The following LAMA2 variants were observed in gnomAD, a reference collection of about 807,000 sequenced individuals.
LAMA2 encodes laminin subunit alpha 2.
In LAMA2, 269 loss-of-function variants were observed where a neutral mutation model predicts 364.8. The observed-to-expected ratio is 0.74, with a 90% confidence interval of 0.67 to 0.82. The LOEUF is 0.82. Ranked by LOEUF, LAMA2 falls within the 40% of genes least tolerant of loss-of-function variation. The pLI is 0.00. For synonymous variants in LAMA2, 1,379 were observed against 1,370.6 expected, an observed-to-expected ratio of 1.01 and a Z score of -0.14; for missense variants, 3,807 against 3,873.2, an observed-to-expected ratio of 0.98 and a Z score of 0.45.
intron 28 of LAMA2, among the ~76,000 whole-genome samples, chr6:129,324,557 A>C (rs1465436043): frequency 6.6e-6 from 1 of 152,214 alleles, no homozygotes; most frequent in Non-Finnish European, 1.5e-5. Flanking sequence ...GTTCTGAGAA[A>C]TGTGTCGTTA....
chr6:129,010,328 A>T (rs1784689334), intron 1 of LAMA2, among the ~76,000 whole-genome samples: 1 of 152,216 alleles, frequency 6.6e-6, no homozygotes, highest in Admixed American at 6.5e-5. Context: ...GCATGAAAAG[A>T]TAGCAAAGGT....
At chr6:129,327,757 G>A (rs577655920) in intron 28 of LAMA2, among the ~76,000 whole-genome samples, 1 of 152,142 alleles carries the variant, frequency 6.6e-6, no homozygotes, top group African/African-American at 2.4e-5. Flanking sequence ...TTTATTGGTG[G>A]TCTAATAGTC....
intron 9 of LAMA2, among the ~76,000 whole-genome samples, chr6:129,172,991 T>G (rs1341408945): frequency 3.3e-5 from 5 of 152,260 alleles, no homozygotes; most frequent in Admixed American, 6.5e-5. Flanking sequence ...CCTGACCCCT[T>G]GCGCTTCCCA....
At chr6:129,228,901 A>T (rs1391872139) in intron 12 of LAMA2, among the ~76,000 whole-genome samples, 1 of 152,220 alleles carries the variant, frequency 6.6e-6, no homozygotes, top group African/African-American at 2.4e-5. Flanking sequence ...AACTATTACA[A>T]AAGTAATTTT....
intron 1 of LAMA2, among the ~76,000 whole-genome samples, chr6:129,017,334 C>T (rs147431685): frequency 6.6e-5 from 10 of 151,820 alleles, no homozygotes; most frequent in African/African-American, 1.2e-4. Context: ...CTGATATGGC[C>T]TCCTACTTAG....
intron 1 of LAMA2, among the ~76,000 whole-genome samples, chr6:129,006,426 G>A (rs1582858733): frequency 1.3e-5 from 2 of 151,936 alleles, no homozygotes; most frequent in East Asian, 3.9e-4. Context: ...CTTGATCTTA[G>A]AGGCTGGAGA....
intron 41 of LAMA2, among the ~76,000 whole-genome samples, chr6:129,432,526 T>C (rs1781647419): frequency 6.6e-6 from 1 of 152,196 alleles, no homozygotes; most frequent in Admixed American, 6.5e-5. Flanking sequence ...TTGTTGTGTG[T>C]TCAGAATCAG....
chr6:128,968,122 A>C (rs1277210636), intron 1 of LAMA2, among the ~76,000 whole-genome samples: 1 of 152,218 alleles, frequency 6.6e-6, no homozygotes, highest in East Asian at 1.9e-4. Context: ...CTTTCCCTCC[A>C]GTCTGGTGAG....
intron 34 of LAMA2, among the ~76,000 whole-genome samples, chr6:129,373,575 T>A (rs1189671905): frequency 6.6e-6 from 1 of 152,210 alleles, no homozygotes; most frequent in Non-Finnish European, 1.5e-5. Context: ...GTTTTTTTAC[T>A]GTTTCAGGAT....
At chr6:129,126,625 C>T (rs1488543188) in intron 4 of LAMA2, among the ~76,000 whole-genome samples, 1 of 151,940 alleles carries the variant, frequency 6.6e-6, no homozygotes, top group African/African-American at 2.4e-5. Context: ...AAGCCAGAAT[C>T]AAAACCCAAT....
At chr6:128,944,804 G>A (rs1186008047) in intron 1 of LAMA2, among the ~76,000 whole-genome samples, 1 of 152,174 alleles carries the variant, frequency 6.6e-6, no homozygotes, top group Admixed American at 6.5e-5. Context: ...ATAAACAGGA[G>A]CAAGAGAGAG....
At chr6:129,226,934 C>A (rs571239119) in intron 12 of LAMA2, among the ~76,000 whole-genome samples, 1 of 152,260 alleles carries the variant, frequency 6.6e-6, no homozygotes, top group Non-Finnish European at 1.5e-5. Flanking sequence ...TGTTTTCCAA[C>A]TTGGTTCCAT....
At chr6:129,357,353 G>A (rs1186396313) in intron 32 of LAMA2, among the ~76,000 whole-genome samples, 1 of 151,976 alleles carries the variant, frequency 6.6e-6, no homozygotes, top group Non-Finnish European at 1.5e-5. Flanking sequence ...ATTAAAATTA[G>A]TATCTGTTGG....
intron 17 of LAMA2, among the ~76,000 whole-genome samples, chr6:129,275,442 G>A (rs1788241354): frequency 6.6e-6 from 1 of 151,564 alleles, no homozygotes; most frequent in African/African-American, 2.4e-5. Context: ...CTTCCAATGG[G>A]GCTACAGTAA....
At chr6:129,311,126 T>TC (rs1299418878) in intron 22 of LAMA2, among the ~76,000 whole-genome samples, 1 of 151,468 alleles carries the variant, frequency 6.6e-6, no homozygotes, top group East Asian at 1.9e-4. Flanking sequence ...TGATGAAGAT[T>TC]CTTTTTTTTT....
At chr6:129,058,005 G>A (rs542253978) in intron 2 of LAMA2, among the ~76,000 whole-genome samples, 1 of 152,250 alleles carries the variant, frequency 6.6e-6, no homozygotes, top group East Asian at 1.9e-4. Flanking sequence ...AAACACAGGA[G>A]TACAGGGAAG....
chr6:129,176,495 C>T (rs1177674849), intron 9 of LAMA2, among the ~76,000 whole-genome samples: 5 of 151,916 alleles, frequency 3.3e-5, no homozygotes, highest in Admixed American at 2.6e-4. Flanking sequence ...TCTGTAAATA[C>T]TTAAGATGAG....
chr6:129,172,951 A>C (rs1399342394), intron 9 of LAMA2, among the ~76,000 whole-genome samples: 2 of 152,072 alleles, frequency 1.3e-5, no homozygotes, highest in African/African-American at 4.8e-5. Flanking sequence ...GCCGTCCGTC[A>C]CCCCTTTCTG....
chr6:129,144,972 T>C (rs1307598490), intron 5 of LAMA2, among the ~76,000 whole-genome samples: 7 of 151,894 alleles, frequency 4.6e-5, no homozygotes, highest in Admixed American at 4.6e-4. Context: ...TTATGGCACC[T>C]CCCACATATG....
Sources: allele counts gnomAD v4.1 joint callset (sites outside exome capture counted in the v4.1 genomes callset), GRCh38; gene constraint gnomAD v4.1.1; transcripts MANE v1.5; gene names NCBI Gene and HGNC (gene_info 2026-07-23, HGNC 2026-07-21).